Variants in FMN1 observed in about 807,000 individuals in gnomAD.
FMN1 encodes the protein formin-1.
Under a neutral mutation model 132.4 loss-of-function variants are expected in FMN1, and 110 were observed. That is an observed-to-expected ratio of 0.83 (90% confidence interval 0.71 to 0.97). The LOEUF is 0.97. Ranked by LOEUF, FMN1 falls within the 50% of genes least tolerant of loss-of-function variation. The pLI is 0.00. For missense variants in FMN1, 1,792 were observed against 1,705.3 expected (o/e 1.05, Z -0.90); for synonymous variants, 722 against 651.7 (o/e 1.11, Z -1.64).
At position 32,806,379 on chromosome 15, in the gene FMN1, C is replaced by G. The variant is rs189898020; in HGVS notation, c.3929-2047G>C. 7.2e-5 allele frequency among the ~76,000 whole-genome samples: 11 copies of G among 152,340 alleles called. No homozygotes were observed. The East Asian group carries it at 2.1e-3, about 29-fold the overall frequency. ...TGAGAACAGCCATAGTGACCATTAT[C>G]ATACAGCTGCTGTAAAGATTTAATG... On this transcript the variant is annotated intron_variant, in intron 17 of 20. Transcript: ENST00000616417.
intron 6 of FMN1, among the ~76,000 whole-genome samples, chr15:33,055,900 G>A (rs1180342459): frequency 1.3e-5 from 2 of 152,160 alleles, no homozygotes; most frequent in Non-Finnish European, 2.9e-5. Context: ...AAATTAATAT[G>A]AGAAAGAGAG....
At chr15:33,112,772 T>C (rs2039760751) in intron 4 of FMN1, among the ~76,000 whole-genome samples, 1 of 152,124 alleles carries the variant, frequency 6.6e-6, no homozygotes, top group African/African-American at 2.4e-5. Flanking sequence ...AGAGATCACA[T>C]GGGAAATGTG....
chr15:33,024,777 A>G (rs2035589473), intron 6 of FMN1, among the ~76,000 whole-genome samples: 1 of 152,234 alleles, frequency 6.6e-6, no homozygotes, highest in Non-Finnish European at 1.5e-5. Flanking sequence ...AACACTATGG[A>G]ACCATTGTTT....
intron 4 of FMN1, chr15:33,105,618 G>C (rs1459221814): frequency 6.6e-6 from 1 of 152,128 alleles, no homozygotes; most frequent in Non-Finnish European, 1.5e-5. Flanking sequence ...GAAAAATAGG[G>C]AATCTTGACT....
intron 4 of FMN1, among the ~76,000 whole-genome samples, chr15:33,146,181 G>A (rs1014651495): frequency 3.3e-5 from 5 of 151,962 alleles, no homozygotes; most frequent in Non-Finnish European, 5.9e-5. Flanking sequence ...CTTGCTTAGC[G>A]TGAAACCCAG....
chr15:32,866,233 A>G (rs1241015910), intron 16 of FMN1, among the ~76,000 whole-genome samples: 1 of 131,396 alleles, frequency 7.6e-6, no homozygotes, highest in African/African-American at 3.5e-5. Flanking sequence ...ATAATAAAAA[A>G]AAAGAAAAAA....
chr15:33,013,177 G>A (rs2034830795), intron 6 of FMN1: 1 of 341,550 alleles, frequency 2.9e-6, no homozygotes, highest in South Asian at 2.7e-5. Flanking sequence ...GGTGGCACAG[G>A]GCCTAGCTGC....
chr15:32,871,884 A>C (rs2059524217), intron 16 of FMN1, among the ~76,000 whole-genome samples: 1 of 152,160 alleles, frequency 6.6e-6, no homozygotes. Flanking sequence ...TGGAAGTGCA[A>C]AACTCTGGAA....
chr15:33,019,500 C>T (rs796711401), intron 6 of FMN1, among the ~76,000 whole-genome samples: 16 of 152,324 alleles, frequency 1.1e-4, no homozygotes, highest in African/African-American at 3.6e-4. Context: ...AGCCCTTGGG[C>T]GGTCGATGGG....
At chr15:32,786,541 C>G (rs1206047514) in intron 19 of FMN1, among the ~76,000 whole-genome samples, 2 of 152,092 alleles carry the variant, frequency 1.3e-5, no homozygotes, top group African/African-American at 4.8e-5. Context: ...AATATTCACT[C>G]CTTTGCCATG....
chr15:33,139,516 G>A (rs545387736), intron 4 of FMN1, among the ~76,000 whole-genome samples: 4 of 152,170 alleles, frequency 2.6e-5, no homozygotes, highest in Admixed American at 6.5e-5. Context: ...ACTTGAATCC[G>A]GGAGGTGGAG....
intron 6 of FMN1, among the ~76,000 whole-genome samples, chr15:33,033,668 GGT>G (rs1491181802): frequency 0.13 from 2,410 of 18,796 alleles, 51 homozygotes; most frequent in South Asian, 0.28. Flanking sequence ...GCTACCTCAT[GGT>G]TTTTTTTTTT....
chr15:32,777,687 C>T (rs973471350), intron 19 of FMN1, among the ~76,000 whole-genome samples: 5 of 140,754 alleles, frequency 3.6e-5, no homozygotes, highest in African/African-American at 7.9e-5. Flanking sequence ...TTATATATTA[C>T]GTATAACATA....
chr15:32,819,289 T>C (rs1022655600), intron 17 of FMN1, among the ~76,000 whole-genome samples: 19 of 152,182 alleles, frequency 1.2e-4, no homozygotes, highest in African/African-American at 2.4e-5. Context: ...TTAAAAAGTA[T>C]TACTACTTCT....
At chr15:33,151,213 A>G (rs1964424669) in intron 4 of FMN1, 2 of 1,531,294 alleles carry the variant, frequency 1.3e-6, no homozygotes, top group African/African-American at 2.7e-5. Flanking sequence ...GAGGCCCTAT[A>G]GGAAGTCTCC....
rs2468757 is a variant in FMN1, at chr15:33,145,779, C to A, written c.1867+7269G>T. ...AGGGAGAACATAGCTGAGGCCCAAG[C>A]TGCACACCTTATTTACTCTCCACAA... On this transcript the variant is annotated intron_variant, in intron 4 of 20. Transcript: ENST00000616417. Among the ~76,000 whole-genome samples the A allele has an allele frequency of 4.3e-3, 655 of 151,920 alleles. 3 individuals carry two copies. Among genetic ancestry groups the A allele is most frequent in the African/African-American group, 0.015 (622 of 41,396 alleles).
Position 32,774,175 on chromosome 15 carries a change from G to T in FMN1, c.*135C>A. 1 of 714,290 alleles carries T rather than the reference G, an allele frequency of 1.4e-6. No homozygotes were observed. Among genetic ancestry groups the T allele is most frequent in the Admixed American group, 2.7e-5 (1 of 37,202 alleles). The allele number at this position is 714,290 out of a possible 1,614,324, so 44.2% of individuals were successfully genotyped here. ...AAGGCATGGGGCACTCTCTGCAGAT[G>T]ACCTCAGAAAGAGATGAGCAAAAAC... On this transcript the variant is annotated 3_prime_UTR_variant, in exon 21 of 21. Coordinates refer to ENST00000616417, the MANE Select transcript of FMN1 (RefSeq NM_001277313.2).
chr15:33,066,078 C>A (rs1170251578), intron 5 of FMN1, among the ~76,000 whole-genome samples: 2 of 152,154 alleles, frequency 1.3e-5, no homozygotes, highest in African/African-American at 4.8e-5. Context: ...ACACTCTAAT[C>A]ACACCACAAA....
At chr15:33,018,689 C>G (rs1185892318) in intron 6 of FMN1, among the ~76,000 whole-genome samples, 1 of 152,146 alleles carries the variant, frequency 6.6e-6, no homozygotes, top group East Asian at 1.9e-4. Context: ...AAGAATGAAG[C>G]TGCGGACCCT....
Sources: gnomAD v4.1 joint callset for allele counts (sites outside exome capture counted in the v4.1 genomes callset) on GRCh38, gnomAD v4.1.1 for gene constraint, MANE v1.5 for transcripts, NCBI Gene and HGNC (gene_info 2026-07-23, HGNC 2026-07-21) for gene names.